The following CDH13 variants were observed in gnomAD, a reference collection of about 807,000 sequenced individuals.
CDH13 encodes cadherin 13.
Under a neutral mutation model 63.8 loss-of-function variants are expected in CDH13, and 24 were observed. That is an observed-to-expected ratio of 0.38 (90% CI 0.27 to 0.53). The LOEUF is 0.53. CDH13 is among the 20% of genes least tolerant of loss of function. The pLI is 0.85. For synonymous variants in CDH13, 503 were observed against 355.3 expected (o/e 1.42, Z -4.67); for missense variants, 1,049 against 903.1 (o/e 1.16, Z -2.07).
intron 1 of CDH13, among the ~76,000 whole-genome samples, chr16:82,772,644 G>A (rs556111000): frequency 7.9e-5 from 12 of 152,250 alleles, no homozygotes; most frequent in African/African-American, 2.9e-4. Context: ...CTTTACTTTG[G>A]CTAATCTTCA....
rs1208438269 is a variant in CDH13, at chr16:83,445,289, G to GC, written c.782-41188_782-41187insC. 6.5e-3 allele frequency among the ~76,000 whole-genome samples: 800 copies of GC among 123,694 alleles called. 8 individuals carry two copies. The highest frequency in any genetic ancestry group is 0.011 in the Non-Finnish European group (599 of 55,722). 81.1% of individuals were successfully genotyped at this position (123,694 alleles called of 152,430 possible). A position where few individuals can be genotyped will look rare whatever the true frequency, so the allele number is the denominator to read the frequency against. On this transcript the variant is annotated intron_variant, in intron 6 of 13. Coordinates refer to ENST00000567109, the MANE Select transcript of CDH13 (RefSeq NM_001257.5). ...TAAAAGCTTTTATAATTTATAAAAGGTTTTATAAATTATAAAAGGTTTGCA... is the reference window on the plus strand; with the variant it reads ...TAAAAGCTTTTATAATTTATAAAAGGCTTTTATAAATTATAAAAGGTTTGCA...
chr16:83,732,786 G>A (rs779891035), intron 10 of CDH13, among the ~76,000 whole-genome samples: 30 of 152,084 alleles, frequency 2.0e-4, no homozygotes, highest in Non-Finnish European at 4.0e-4. Flanking sequence ...CTTCCTGCAG[G>A]GATTCAGCTG....
chr16:83,520,792 G>C (rs2151618772), intron 7 of CDH13, among the ~76,000 whole-genome samples: 1 of 152,256 alleles, frequency 6.6e-6, no homozygotes, highest in East Asian at 1.9e-4. Context: ...AGAGCCTGGA[G>C]AGTGCTGAGG....
chr16:83,178,793 G>A (rs8055236), intron 4 of CDH13, among the ~76,000 whole-genome samples: 10 of 151,710 alleles, frequency 6.6e-5, no homozygotes, highest in South Asian at 4.2e-4. Flanking sequence ...TCTTCCACTC[G>A]TTTCCTTGGA....
At chr16:83,388,634 A>T (rs1011894448) in intron 6 of CDH13, among the ~76,000 whole-genome samples, 1 of 152,168 alleles carries the variant, frequency 6.6e-6, no homozygotes, top group African/African-American at 2.4e-5. Context: ...CAATCTCTGC[A>T]TGGCCACTTT....
At chr16:82,795,822 A>G (rs965055535) in intron 1 of CDH13, among the ~76,000 whole-genome samples, 1 of 152,140 alleles carries the variant, frequency 6.6e-6, no homozygotes, top group Non-Finnish European at 1.5e-5. Flanking sequence ...ATGAGCTGCC[A>G]GGCTCAGTCT....
intron 2 of CDH13, among the ~76,000 whole-genome samples, chr16:82,864,510 C>A (rs550421334): frequency 1.7e-3 from 260 of 152,174 alleles, no homozygotes; most frequent in Non-Finnish European, 2.6e-3. Flanking sequence ...AGGAGAAGTG[C>A]TGAGATAAGG....
At chr16:82,645,259 G>A (rs1265678031) in intron 1 of CDH13, among the ~76,000 whole-genome samples, 1 of 152,102 alleles carries the variant, frequency 6.6e-6, no homozygotes, top group African/African-American at 2.4e-5. Context: ...AGCCTCTGGG[G>A]GCAGGCTCAG....
At chr16:83,133,871 C>T (rs2036162550) in intron 4 of CDH13, among the ~76,000 whole-genome samples, 1 of 152,204 alleles carries the variant, frequency 6.6e-6, no homozygotes, top group African/African-American at 2.4e-5. Flanking sequence ...TTTTGAGAGA[C>T]AATGTCCTTC....
chr16:83,181,022 A>G lies in CDH13; in HGVS notation c.484-36323A>G, dbSNP rs542882840. 3.7e-5 allele frequency: 56 copies of G among 1,516,184 alleles called. No homozygotes were observed. In the African/African-American group the frequency reaches 7.0e-4, roughly 19 times the overall value. The allele number at this position is 1,516,184 out of a possible 1,614,324, so 93.9% of individuals were successfully genotyped here. A position where few individuals can be genotyped will look rare whatever the true frequency, so the allele number is the denominator to read the frequency against. Reference sequence around the variant, plus strand: ...ATAAATCACAAACATTTTACTTCCCACTAGCACTCGGTATTTCAAATCCAT... The same window carrying G: ...ATAAATCACAAACATTTTACTTCCCGCTAGCACTCGGTATTTCAAATCCAT... On this transcript the variant is annotated intron_variant, in intron 4 of 13. Transcript: ENST00000567109.
chr16:83,262,670 GA>G (rs1258147121), intron 5 of CDH13, among the ~76,000 whole-genome samples: 1 of 152,166 alleles, frequency 6.6e-6, no homozygotes, highest in Non-Finnish European at 1.5e-5. Flanking sequence ...AAAGAAATAT[GA>G]AAAAATGGTA....
intron 1 of CDH13, among the ~76,000 whole-genome samples, chr16:82,664,021 A>G (rs1431315410): frequency 2.0e-5 from 3 of 152,328 alleles, no homozygotes; most frequent in East Asian, 3.9e-4. Flanking sequence ...GCTGTGGACC[A>G]CGAGGCAGTG....
intron 7 of CDH13, among the ~76,000 whole-genome samples, chr16:83,583,578 A>T (rs747018655): frequency 2.0e-5 from 3 of 152,196 alleles, no homozygotes; most frequent in Non-Finnish European, 2.9e-5. Context: ...GATGGAGGGA[A>T]GGTAAGATTG....
At chr16:83,517,333 C>T (rs575933036) in intron 7 of CDH13, among the ~76,000 whole-genome samples, 19 of 152,274 alleles carry the variant, frequency 1.2e-4, no homozygotes, top group Admixed American at 5.9e-4. Context: ...AAGTTAACCC[C>T]CAAATTTTAG....
chr16:83,321,525 A>ATTTT (rs10672316), intron 5 of CDH13, among the ~76,000 whole-genome samples: 2,433 of 103,540 alleles, frequency 0.023, 116 homozygotes, highest in African/African-American at 0.03. Context: ...GAAATCTGGA[A>ATTTT]TTTTTTTTTT....
At chr16:83,698,499 G>T (rs992982083) in intron 10 of CDH13, among the ~76,000 whole-genome samples, 2 of 152,232 alleles carry the variant, frequency 1.3e-5, no homozygotes, top group Non-Finnish European at 2.9e-5. Flanking sequence ...AGGCTCTCAA[G>T]ACACTGCTTT....
chr16:83,636,121 G>A (rs1002868368), intron 8 of CDH13, among the ~76,000 whole-genome samples: 6 of 151,392 alleles, frequency 4.0e-5, no homozygotes, highest in Non-Finnish European at 8.8e-5. Flanking sequence ...AATCATGTGG[G>A]TGCAGGTGTA....
At chr16:83,637,553 T>C (rs1911378880) in intron 8 of CDH13, among the ~76,000 whole-genome samples, 1 of 43,724 alleles carries the variant, frequency 2.3e-5, no homozygotes, top group African/African-American at 9.6e-5. Flanking sequence ...CCCACCCGAA[T>C]ATTGCGCTTT....
intron 6 of CDH13, among the ~76,000 whole-genome samples, chr16:83,365,518 G>A (rs1395198833): frequency 6.6e-6 from 1 of 152,156 alleles, no homozygotes; most frequent in Non-Finnish European, 1.5e-5. Flanking sequence ...TAGGCCAAAT[G>A]TTGGCCCCAT....
Sources: allele counts gnomAD v4.1 joint callset (sites outside exome capture counted in the v4.1 genomes callset), GRCh38; gene constraint gnomAD v4.1.1; transcripts MANE v1.5; gene names NCBI Gene and HGNC (gene_info 2026-07-23, HGNC 2026-07-21).